Variants in WDTC1 observed in about 807,000 individuals in gnomAD.
WDTC1 encodes the protein WD and tetratricopeptide repeats protein 1.
WDTC1 carries 12 observed loss-of-function variants against 76.0 expected under a neutral mutation model. The observed-to-expected ratio is 0.16, with a 90% CI of 0.10 to 0.26. WDTC1 has a LOEUF of 0.26. WDTC1 is among the 10% of genes least tolerant of loss of function. The probability of loss-of-function intolerance (pLI) is 1.00; values close to 1 mark genes in which losing one functional copy is unlikely to be tolerated. For synonymous variants in WDTC1, 326 were observed against 350.8 expected, an observed-to-expected ratio of 0.93 and a Z score of 0.79; for missense variants, 511 against 908.8, an observed-to-expected ratio of 0.56 and a Z score of 5.63.
rs79334713 is a variant in WDTC1 at position 27,255,940 on chromosome 1, T to A, written c.-99-5016T>A. ...CTGGAAGTGGTTTTCCCCCAGTTCTTTGCTGCTGCTTGTCATTCATGTTTC... is the reference window on the plus strand; with the variant it reads ...CTGGAAGTGGTTTTCCCCCAGTTCTATGCTGCTGCTTGTCATTCATGTTTC... On this transcript the variant is annotated intron_variant, in intron 1 of 15. Coordinates refer to ENST00000319394, the MANE Select transcript of WDTC1 (RefSeq NM_001276252.2). 1.4e-3 allele frequency among the ~76,000 whole-genome samples: 211 copies of A among 152,234 alleles called. 2 individuals carry two copies. The highest frequency in any genetic ancestry group is 5.0e-3 in the African/African-American group (207 of 41,542).
rs143803058 is a variant in WDTC1, at chr1:27,296,341, T to A, written c.889T>A (p.Leu297Met). The change falls in exon 10 of 16, where the codon TTG becomes ATG. Residue 297 changes from leucine (L) to methionine (M), a missense_variant. By Grantham distance (15) the Leu-to-Met change is conservative. Transcript: ENST00000319394. ...MGGEQVYLFD[L>M]TYKQRPYTFL... ...TCAACTCTAGGTCTATTTGTTTGAC[T>A]TGACTTACAAGCAGCGGCCGTACAC... is the stretch of plus-strand genomic sequence containing the variant. The A allele has an allele frequency of 1.2e-4, 199 of 1,614,090 alleles. No homozygotes were observed. In the African/African-American group the frequency reaches 2.4e-3, roughly 19 times the overall value.
intron 6 of WDTC1, among the ~76,000 whole-genome samples, chr1:27,289,505 G>A (rs1190823512): frequency 6.6e-6 from 1 of 151,092 alleles, no homozygotes; most frequent in East Asian, 2.0e-4. Flanking sequence ...TCCAGACTGG[G>A]CAGCCAGGCA....
intron 3 of WDTC1, among the ~76,000 whole-genome samples, chr1:27,272,246 TA>T (rs567899897): frequency 2.9e-4 from 43 of 147,844 alleles, no homozygotes; most frequent in African/African-American, 5.9e-4. Flanking sequence ...AACTCTGTCT[TA>T]AAAAAAAAAA....
rs370401063 is a variant in WDTC1, at chr1:27,249,770, T to C, written c.-99-11186T>C. On this transcript the variant is annotated intron_variant, in intron 1 of 15. Transcript: ENST00000319394. ...AATTTTATTTTTTGTAGAGACGGGA[T>C]TTTGCTGTGTTGCCCAGCCTGGTCT... Among the ~76,000 whole-genome samples the C allele has an allele frequency of 3.6e-4, 55 of 152,136 alleles. No homozygotes were observed. In the South Asian group the frequency reaches 0.011, roughly 29 times the overall value.
chr1:27,297,193 A>G, intron 11 of WDTC1, 37 bp downstream of exon 11: 2 of 1,539,738 alleles, frequency 1.3e-6, no homozygotes, highest in Non-Finnish European at 1.8e-6. Context: ...TCCAAGCCCC[A>G]GTTACACTAT....
chr1:27,263,559 G>C (rs1388648577), intron 3 of WDTC1, among the ~76,000 whole-genome samples: 1 of 152,002 alleles, frequency 6.6e-6, no homozygotes, highest in Non-Finnish European at 1.5e-5. Flanking sequence ...TCAGCCTCCC[G>C]AGTAGCTGGG....
In WDTC1 at chr1:27,271,595, A is replaced by T. The variant is rs111418446; in HGVS notation, c.132+8360A>T. ...AAGTTGGGAAGTGGGATGCCAACTA[A>T]CTCATGTAATTTACTTTTTGTATTT... On this transcript the variant is annotated intron_variant, in intron 3 of 15. Coordinates refer to ENST00000319394, the MANE Select transcript of WDTC1 (RefSeq NM_001276252.2). 5.3e-5 allele frequency among the ~76,000 whole-genome samples: 8 copies of T among 151,724 alleles called. 1 individual carries two copies. The highest frequency in any genetic ancestry group is 1.9e-4 in the African/African-American group (8 of 41,430).
intron 1 of WDTC1, among the ~76,000 whole-genome samples, chr1:27,242,664 T>C (rs2011666117): frequency 6.6e-6 from 1 of 152,100 alleles, no homozygotes; most frequent in Non-Finnish European, 1.5e-5. Flanking sequence ...AGACAGGGTT[T>C]CACCATGTTG....
intron 1 of WDTC1, among the ~76,000 whole-genome samples, chr1:27,260,152 T>G (rs1005189270): frequency 2.6e-5 from 4 of 152,202 alleles, no homozygotes; most frequent in Non-Finnish European, 5.9e-5. Context: ...TCGCCCAGGC[T>G]GGAGTGCAGT....
At chr1:27,254,334 C>T (rs1013669339) in intron 1 of WDTC1, among the ~76,000 whole-genome samples, 4 of 152,018 alleles carry the variant, frequency 2.6e-5, no homozygotes, top group Non-Finnish European at 4.4e-5. Flanking sequence ...TGGTGGCTCA[C>T]GCCTGTAATC....
intron 5 of WDTC1, among the ~76,000 whole-genome samples, chr1:27,286,623 G>A (rs1045274118): frequency 2.6e-5 from 4 of 150,962 alleles, no homozygotes; most frequent in South Asian, 4.2e-4. Context: ...GCGCACGCCC[G>A]GCTAATTTTT....
intron 1 of WDTC1, among the ~76,000 whole-genome samples, chr1:27,257,109 A>G (rs1023134802): frequency 1.3e-4 from 19 of 151,992 alleles, no homozygotes; most frequent in African/African-American, 4.6e-4. Context: ...TGATCCGCCC[A>G]CCTCGGCCTC....
rs2147995828 is a variant in WDTC1, at chr1:27,303,844, T to C, written c.1643+49T>C. 1.2e-6 allele frequency: 2 copies of C among 1,605,496 alleles called. No individual in the cohort carries two copies. Among genetic ancestry groups the C allele is most frequent in the African/African-American group, 2.7e-5 (2 of 74,516 alleles). ...TGCAGCCCAGTTGGCAGCGGGAGGTTGAGTGGGGAGTGTTGGGGCATAATG... is the reference window on the plus strand; with the variant it reads ...TGCAGCCCAGTTGGCAGCGGGAGGTCGAGTGGGGAGTGTTGGGGCATAATG... On this transcript the variant is annotated intron_variant, in intron 14 of 15. Coordinates refer to ENST00000319394, the MANE Select transcript of WDTC1 (RefSeq NM_001276252.2). This position sits in a 1 kb window ranked among gnomAD's most constrained non-coding sequence, Gnocchi z 4.8.
intron 1 of WDTC1, among the ~76,000 whole-genome samples, chr1:27,254,261 T>C (rs137941546): frequency 4.9e-4 from 74 of 152,264 alleles, no homozygotes; most frequent in Middle Eastern, 3.4e-3. Flanking sequence ...TCTACCAGTA[T>C]GCTATCATTT....
intron 1 of WDTC1, among the ~76,000 whole-genome samples, chr1:27,252,255 C>T (rs1379531093): frequency 6.6e-6 from 1 of 151,426 alleles, no homozygotes; most frequent in Admixed American, 6.6e-5. Flanking sequence ...GGTGAGGTGG[C>T]AGGATTGCTT....
At chr1:27,293,290 G>A (rs2013589401) in intron 7 of WDTC1, among the ~76,000 whole-genome samples, 1 of 150,954 alleles carries the variant, frequency 6.6e-6, no homozygotes, top group South Asian at 2.1e-4. Flanking sequence ...AAATTAGCCG[G>A]GCGTGGTGGC....
intron 4 of WDTC1, among the ~76,000 whole-genome samples, chr1:27,282,835 T>C (rs1411553250): frequency 1.3e-5 from 2 of 151,576 alleles, no homozygotes; most frequent in Non-Finnish European, 2.9e-5. Context: ...AGCCAATGTG[T>C]TTAAGAATGA....
intron 10 of WDTC1, 84 bp from the exon 11 acceptor site, chr1:27,296,964 C>G (rs926358491): frequency 3.4e-6 from 4 of 1,192,310 alleles, no homozygotes; most frequent in South Asian, 2.6e-5. Flanking sequence ...CATCAGACCC[C>G]GTGATGGAAG....
chr1:27,269,164 CAAAAAAAAAAAAAAA>C (rs34447091), intron 3 of WDTC1, among the ~76,000 whole-genome samples: 103 of 58,870 alleles, frequency 1.7e-3, no homozygotes, highest in Admixed American at 2.3e-3. Context: ...CCTGTTTCTC[CAAAAAAAAAAAAAAA>C]AAAAAAAAAA....
Sources: allele counts gnomAD v4.1 joint callset (sites outside exome capture counted in the v4.1 genomes callset), GRCh38; gene constraint gnomAD v4.1.1; non-coding constraint Gnocchi (gnomAD v3.1); transcripts MANE v1.5; gene names NCBI Gene and HGNC (gene_info 2026-07-23, HGNC 2026-07-21).